Variants in ERG observed in about 807,000 individuals in gnomAD.
The protein encoded by ERG is ETS transcription factor ERG, also known as transcriptional regulator ERG.
A neutral mutation model predicts 55.3 loss-of-function variants in ERG; 9 were observed. The observed-to-expected ratio is 0.16, with a 90% CI of 0.10 to 0.28. The LOEUF (loss-of-function observed/expected upper bound fraction) is 0.28. Among genes scored for constraint, ERG ranks in the 10% least tolerant of loss-of-function variants. The pLI is 1.00. For missense variants in ERG, 434 were observed against 631.6 expected (o/e 0.69, Z 3.35); for synonymous variants, 223 against 237.3 (o/e 0.94, Z 0.55).
At chr21:38,625,597 A>G (rs965750482) in intron 1 of ERG, among the ~76,000 whole-genome samples, 3 of 152,134 alleles carry the variant, frequency 2.0e-5, no homozygotes, top group Non-Finnish European at 2.9e-5. Flanking sequence ...GCAGGAAGCC[A>G]CAACAGCAGA....
chr21:38,473,794 A>ATATGTG (rs548659923), intron 1 of ERG, among the ~76,000 whole-genome samples: 19 of 151,664 alleles, frequency 1.3e-4, no homozygotes, highest in African/African-American at 3.6e-4. Context: ...AAATATATAT[A>ATATGTG]TGTGTGTGTG....
chr21:38,474,277 T>C (rs765923860), intron 1 of ERG, among the ~76,000 whole-genome samples: 13 of 150,428 alleles, frequency 8.6e-5, no homozygotes, highest in Non-Finnish European at 1.9e-4. Flanking sequence ...AATTCCTCAG[T>C]AGGAAAGCCA....
At chr21:38,624,340 G>A (rs145304350) in intron 1 of ERG, among the ~76,000 whole-genome samples, 3,139 of 152,294 alleles carry the variant, frequency 0.021, 38 homozygotes, top group East Asian at 0.052. Flanking sequence ...AATACCTAAT[G>A]CATGCAGGGC....
At chr21:38,402,663 TC>T in intron 4 of ERG, 26 bp from the exon 5 acceptor site, 1 of 981,314 alleles carries the variant, frequency 1.0e-6, no homozygotes, top group Non-Finnish European at 1.3e-6. Flanking sequence ...AAAAGCGACA[TC>T]AAAATGAAAA....
In ERG at chr21:38,473,107, A is replaced by G. The variant is rs141422791; in HGVS notation, c.18+25256T>C. ...AGGTGTAGCAAGTTTTCATTTTCAC[A>G]GCATAAAACCGTCTACAAATACATA... On this transcript the variant is annotated intron_variant, in intron 1 of 9. Transcript: ENST00000288319. 2.6e-3 allele frequency among the ~76,000 whole-genome samples: 387 copies of G among 150,670 alleles called. 6 individuals are homozygous for G. The highest frequency in any genetic ancestry group is 8.1e-3 in the African/African-American group (332 of 40,910).
chr21:38,622,509 CCACA>C (rs543788569), intron 1 of ERG, among the ~76,000 whole-genome samples: 1 of 150,202 alleles, frequency 6.7e-6, no homozygotes, highest in African/African-American at 2.5e-5. Context: ...ACCACACACA[CCACA>C]CACACACCAC....
chr21:38,386,791 T>G (rs28579608), intron 9 of ERG, among the ~76,000 whole-genome samples: 1,465 of 76,064 alleles, frequency 0.019, 26 homozygotes, highest in African/African-American at 0.06. Context: ...TCAGATCTAT[T>G]TTTTTTTTTT....
chr21:38,593,335 CACATTT>C (rs1316503010), intron 1 of ERG, among the ~76,000 whole-genome samples: 3 of 152,214 alleles, frequency 2.0e-5, no homozygotes, highest in Non-Finnish European at 2.9e-5. Context: ...TTCAAGAAAA[CACATTT>C]ACCAGGGATT....
chr21:38,488,341 A>G (rs1042979156), intron 1 of ERG, among the ~76,000 whole-genome samples: 10 of 152,164 alleles, frequency 6.6e-5, no homozygotes, highest in Admixed American at 5.9e-4. Context: ...GTGTGTAAAC[A>G]TCACCCTTTG....
chr21:38,572,608 G>T (rs1181026553), intron 2 of ERG, among the ~76,000 whole-genome samples: 1 of 152,058 alleles, frequency 6.6e-6, no homozygotes, highest in East Asian at 1.9e-4. Flanking sequence ...GATTTTGATA[G>T]GTTTATAAAG....
At chr21:38,624,280 G>A (rs2060311179) in intron 1 of ERG, among the ~76,000 whole-genome samples, 1 of 151,930 alleles carries the variant, frequency 6.6e-6, no homozygotes, top group African/African-American at 2.4e-5. Flanking sequence ...TCACATACTG[G>A]GGCCTGTCGG....
At chr21:38,587,394 T>C (rs187250394), upstream of ERG, among the ~76,000 whole-genome samples, 1,881 of 150,514 alleles carry the variant, frequency 0.012, 39 homozygotes, top group African/African-American at 0.043. Context: ...AGTCTCGCTC[T>C]GTCGCCCAGG....
At chr21:38,378,075 T>C (rs1026838713), downstream of ERG, among the ~76,000 whole-genome samples, 1 of 152,164 alleles carries the variant, frequency 6.6e-6, no homozygotes, top group African/African-American at 2.4e-5. Context: ...CATAATTCAA[T>C]TTGGGGTGAT....
intron 1 of ERG, among the ~76,000 whole-genome samples, chr21:38,646,553 A>G (rs1210879894): frequency 1.3e-5 from 2 of 152,084 alleles, no homozygotes; most frequent in Admixed American, 6.6e-5. Context: ...TCCTGTTTTC[A>G]GTATCACTGG....
chr21:38,628,148 C>T (rs114988468), intron 1 of ERG, among the ~76,000 whole-genome samples: 5,308 of 152,066 alleles, frequency 0.035, 298 homozygotes, highest in African/African-American at 0.12. Context: ...CAGGGTTTTG[C>T]GATGTTGCCC....
chr21:38,531,874 A>G (rs1308020639), intron 2 of ERG, among the ~76,000 whole-genome samples: 2 of 152,202 alleles, frequency 1.3e-5, no homozygotes, highest in Non-Finnish European at 2.9e-5. Flanking sequence ...ACCCAAGTGC[A>G]GTGCGTTACA....
intron 1 of ERG, among the ~76,000 whole-genome samples, chr21:38,454,524 C>G (rs939548053): frequency 1.2e-4 from 19 of 152,294 alleles, no homozygotes; most frequent in Non-Finnish European, 2.4e-4. Context: ...TTTTGACTCT[C>G]AATTTCTTCA....
chr21:38,482,197 T>A (rs902693863), intron 1 of ERG, among the ~76,000 whole-genome samples: 2 of 152,102 alleles, frequency 1.3e-5, no homozygotes, highest in African/African-American at 4.8e-5. Flanking sequence ...TTCCCAAACA[T>A]AGGGAAAGGA....
At chr21:38,386,382 CATTA>C (rs1428147778) in intron 9 of ERG, among the ~76,000 whole-genome samples, 3 of 152,140 alleles carry the variant, frequency 2.0e-5, no homozygotes, top group Admixed American at 1.3e-4. Flanking sequence ...ATGTCAAACT[CATTA>C]ATTGTTAAAT....
Sources: allele counts gnomAD v4.1 joint callset (sites outside exome capture counted in the v4.1 genomes callset), GRCh38; gene constraint gnomAD v4.1.1; transcripts MANE v1.5; gene names NCBI Gene and HGNC (gene_info 2026-07-23, HGNC 2026-07-21).